Variants in VWA3B observed in about 807,000 individuals in gnomAD.
VWA3B encodes the protein von Willebrand factor A domain-containing protein 3B.
Under a neutral mutation model 158.3 loss-of-function variants are expected in VWA3B, and 138 were observed. The observed-to-expected ratio is 0.87, with a 90% CI of 0.76 to 1.00. VWA3B has a LOEUF of 1.00. Among genes scored for constraint, VWA3B ranks in the 50% least tolerant of loss-of-function variants. The probability of loss-of-function intolerance (pLI) is 0.00; values close to 1 mark genes in which losing one functional copy is unlikely to be tolerated. For synonymous variants in VWA3B, 596 were observed against 587.3 expected (o/e 1.01, Z -0.21); for missense variants, 1,555 against 1,565.1 (o/e 0.99, Z 0.11).
chr2:98,214,493 C>T lies in VWA3B; in HGVS notation c.1836+2465C>T, dbSNP rs568581603. ...CATAGGTAGAGAAAATTCTCCCTCT[C>T]ACCCCTTTCACCAGCTAGGAGGCAA... is the stretch of plus-strand genomic sequence containing the variant. On this transcript the variant is annotated intron_variant, in intron 13 of 27. Transcript: ENST00000477737. Among the ~76,000 whole-genome samples the T allele has an allele frequency of 3.3e-5, 5 of 152,280 alleles. No homozygotes were observed. In the East Asian group the frequency reaches 9.7e-4, roughly 29 times the overall value.
chr2:98,207,771 C>CCGAGGCGGG, intron 12 of VWA3B: 1 of 305,478 alleles, frequency 3.3e-6, no homozygotes, highest in Non-Finnish European at 6.4e-6. Context: ...ATCTGCTGTA[C>CCGAGGCGGG]TGTCCCTCTC....
At chr2:98,215,389 C>T (rs959060598) in intron 13 of VWA3B, among the ~76,000 whole-genome samples, 1 of 149,034 alleles carries the variant, frequency 6.7e-6, no homozygotes, top group Non-Finnish European at 1.5e-5. Context: ...TGCAGTGAGC[C>T]GAGATCGCGC....
At position 98,179,824 on chromosome 2, in the gene VWA3B, T is replaced by C. The variant is rs1480159701; in HGVS notation, c.1115-1192T>C. Among the ~76,000 whole-genome samples the C allele has an allele frequency of 3.5e-4, 49 of 138,810 alleles. No individual in the cohort carries two copies. In the East Asian group the frequency reaches 6.7e-3, roughly 19 times the overall value. The allele number at this position is 138,810 out of a possible 152,430, so 91.1% of individuals were successfully genotyped here. On this transcript the variant is annotated intron_variant, in intron 8 of 27. Transcript: ENST00000477737. ...TTTCTTTCTTTCTTTCTTTCTTTCTTTCTTTTTCTTTCTTTCTTTCTCTCT... is the reference window on the plus strand; with the variant it reads ...TTTCTTTCTTTCTTTCTTTCTTTCTCTCTTTTTCTTTCTTTCTTTCTCTCT...
chr2:98,270,791 A>G lies in VWA3B; in HGVS notation c.2953A>G (p.Ser985Gly). 2 of 1,614,182 alleles carry G rather than the reference A, an allele frequency of 1.2e-6. No homozygotes were observed. The highest frequency in any genetic ancestry group is 1.7e-6 in the Non-Finnish European group (2 of 1,179,998). The change falls in exon 22 of 28, where the codon AGT becomes GGT. Residue 985 changes from serine to glycine, a missense_variant. By Grantham distance (56) the Ser-to-Gly change is moderately conservative (BLOSUM62 0). Transcript: ENST00000477737. ...ISLKELSMLE[S>G]EILAGKMYIQ... The stretch of plus-strand genomic sequence containing the variant: ...ACTGAAAGAGCTGTCGATGCTGGAA[A>G]GTGAAATCCTAGCTGGGAAAATGTA...
chr2:98,326,147 TAAAC>T, the VWA3B span, among the ~76,000 whole-genome samples: 6 of 151,846 alleles, frequency 4.0e-5, no homozygotes, highest in African/African-American at 7.3e-5. Flanking sequence ...TTATTTGAAA[TAAAC>T]AAACAACATA....
chr2:98,300,355 GC>G, intron 25 of VWA3B, 139 bp downstream of exon 25: 2 of 1,258,574 alleles, frequency 1.6e-6, no homozygotes, highest in Non-Finnish European at 2.2e-6. Flanking sequence ...TTTGGCTTCT[GC>G]CCACCGTGCC....
At chr2:98,222,905 A>C (rs2105642249) in intron 14 of VWA3B, among the ~76,000 whole-genome samples, 1 of 152,330 alleles carries the variant, frequency 6.6e-6, no homozygotes, top group Non-Finnish European at 1.5e-5. Context: ...TTCTCACACA[A>C]TAGGAAATAC....
chr2:98,208,206 G>A (rs959149019), intron 12 of VWA3B, among the ~76,000 whole-genome samples: 52 of 151,754 alleles, frequency 3.4e-4, no homozygotes, highest in South Asian at 6.3e-4. Context: ...AAATATTTGC[G>A]TAATACGTTT....
intron 25 of VWA3B, among the ~76,000 whole-genome samples, chr2:98,303,209 G>A (rs1690301066): frequency 6.6e-6 from 1 of 151,756 alleles, no homozygotes; most frequent in Non-Finnish European, 1.5e-5. Flanking sequence ...AAAGGACCTT[G>A]AACTTACCTA....
chr2:98,186,774 C>A (rs1187715503), intron 9 of VWA3B, among the ~76,000 whole-genome samples: 1 of 152,106 alleles, frequency 6.6e-6, no homozygotes, highest in Non-Finnish European at 1.5e-5. Flanking sequence ...CTCGGCCGTC[C>A]AGTCTGCTTT....
chr2:98,172,754 G>C (rs1271477068), intron 8 of VWA3B, among the ~76,000 whole-genome samples: 2 of 152,160 alleles, frequency 1.3e-5, no homozygotes, highest in Non-Finnish European at 2.9e-5. Flanking sequence ...GAGAATGCTG[G>C]AGGAGAACTG....
chr2:98,174,562 T>C (rs775607072), intron 8 of VWA3B, among the ~76,000 whole-genome samples: 1 of 152,230 alleles, frequency 6.6e-6, no homozygotes, highest in Non-Finnish European at 1.5e-5. Context: ...ACTAAGGTTG[T>C]AGATAACAGT....
At chr2:98,148,607 GTTT>G (rs1677360321) in intron 7 of VWA3B, among the ~76,000 whole-genome samples, 1 of 152,102 alleles carries the variant, frequency 6.6e-6, no homozygotes, top group Non-Finnish European at 1.5e-5. Context: ...TATTGCCTGA[GTTT>G]AAAACAAAAG....
At chr2:98,315,470 A>G (rs1041422725), downstream of VWA3B, among the ~76,000 whole-genome samples, 2 of 152,256 alleles carry the variant, frequency 1.3e-5, no homozygotes, top group Non-Finnish European at 2.9e-5. Context: ...GAATGGGTAC[A>G]AGGTGAATCC....
chr2:98,234,080 C>T (rs1685510148), intron 16 of VWA3B, among the ~76,000 whole-genome samples: 1 of 152,162 alleles, frequency 6.6e-6, no homozygotes, highest in Admixed American at 6.5e-5. Context: ...GAATGGCTTA[C>T]CAAAGATGTC....
intron 19 of VWA3B, among the ~76,000 whole-genome samples, chr2:98,237,836 A>T (rs919190887): frequency 2.6e-5 from 4 of 152,108 alleles, no homozygotes; most frequent in Non-Finnish European, 5.9e-5. Flanking sequence ...ATGCTTGGGG[A>T]TGCTTGGGGT....
chr2:98,173,406 C>G (rs968401626), intron 8 of VWA3B, among the ~76,000 whole-genome samples: 3 of 152,162 alleles, frequency 2.0e-5, no homozygotes, highest in Non-Finnish European at 4.4e-5. Flanking sequence ...CAGAAAGGAC[C>G]AAGACTGTGC....
At chr2:98,191,724 C>T (rs1001393272) in intron 10 of VWA3B, among the ~76,000 whole-genome samples, 4 of 152,166 alleles carry the variant, frequency 2.6e-5, no homozygotes, top group Admixed American at 1.3e-4. Context: ...TCCTTGGCTT[C>T]AGTAGTTTCT....
chr2:98,141,217 C>A (rs985579949), intron 7 of VWA3B, among the ~76,000 whole-genome samples: 1 of 152,190 alleles, frequency 6.6e-6, no homozygotes, highest in African/African-American at 2.4e-5. Context: ...ATCTTCTATG[C>A]CTCTCTGTTT....
Sources: gnomAD v4.1 joint callset for allele counts (sites outside exome capture counted in the v4.1 genomes callset) on GRCh38, gnomAD v4.1.1 for gene constraint, MANE v1.5 for transcripts, NCBI Gene and HGNC (gene_info 2026-07-23, HGNC 2026-07-21) for gene names.